The following GTF3C3 variants were observed in gnomAD, a reference collection of about 807,000 sequenced individuals.
GTF3C3 encodes general transcription factor 3C polypeptide 3.
In GTF3C3, 75 loss-of-function variants were observed where a neutral mutation model predicts 105.2. The observed-to-expected ratio is 0.71, with a 90% confidence interval of 0.59 to 0.86. The LOEUF (loss-of-function observed/expected upper bound fraction) is 0.86, where lower values mean the gene tolerates loss of function less well. GTF3C3 is among the 40% of genes least tolerant of loss of function. GTF3C3 has a pLI of 0.00. For synonymous variants in GTF3C3, 335 were observed against 370.4 expected, an observed-to-expected ratio of 0.90 and a Z score of 1.10; for missense variants, 856 against 1,076.5, an observed-to-expected ratio of 0.80 and a Z score of 2.87.
In GTF3C3 at chr2:196,764,543, C is replaced by T. The variant is rs769932002; in HGVS notation, c.*20G>A. On this transcript the variant is annotated 3_prime_UTR_variant, in exon 18 of 18. Coordinates refer to ENST00000263956, the MANE Select transcript of GTF3C3 (RefSeq NM_012086.5). ...TCCTCACACAGCAGCTGCCATTGCT[C>T]TGTTCTCAGTTGCGGTGCTTTATAT... 3 of 1,608,968 alleles carry T rather than the reference C, an allele frequency of 1.9e-6. No homozygotes were observed. The highest frequency in any genetic ancestry group is 2.5e-6 in the Non-Finnish European group (3 of 1,176,702).
At chr2:196,765,325 A>G (rs1699042165) in intron 17 of GTF3C3, among the ~76,000 whole-genome samples, 1 of 152,150 alleles carries the variant, frequency 6.6e-6, no homozygotes, top group South Asian at 2.1e-4. Context: ...TGAAAAAAAA[A>G]TCTGCAACAA....
Position 196,779,911 on chromosome 2 carries a change from G to A in GTF3C3, c.1218+648C>T, listed in dbSNP as rs139811905. On this transcript the variant is annotated intron_variant, in intron 9 of 17. Coordinates refer to ENST00000263956, the MANE Select transcript of GTF3C3 (RefSeq NM_012086.5). ...GCCCAGGCTGGTCTTGAACTCCTGA[G>A]CTCAAGAGATCTGCCCGCCTCAGCC... Among the ~76,000 whole-genome samples the A allele has an allele frequency of 6.0e-3, 909 of 152,018 alleles. 4 individuals carry two copies. Among genetic ancestry groups the A allele is most frequent in the African/African-American group, 0.021 (858 of 41,450 alleles).
chr2:196,795,270 T>C (rs545502661), intron 2 of GTF3C3, among the ~76,000 whole-genome samples: 11 of 152,286 alleles, frequency 7.2e-5, no homozygotes, highest in Non-Finnish European at 1.5e-4. Context: ...ACTCCTGGCC[T>C]CAAGTGACCC....
chr2:196,765,592 CATAT>C (rs1351214058), intron 17 of GTF3C3, among the ~76,000 whole-genome samples: 3 of 149,050 alleles, frequency 2.0e-5, no homozygotes, highest in African/African-American at 4.9e-5. Context: ...TATACATATG[CATAT>C]ATAAATAATA....
intron 8 of GTF3C3, among the ~76,000 whole-genome samples, chr2:196,782,356 G>A (rs1373814965): frequency 1.3e-5 from 2 of 152,070 alleles, no homozygotes; most frequent in African/African-American, 4.8e-5. Context: ...TTTTGTTAGA[G>A]AGTCCAAACG....
rs769510281 is a variant in GTF3C3, at chr2:196,780,623, G to T, written c.1154C>A (p.Pro385Gln). Residue 385 changes from proline to glutamine, a missense_variant, in exon 9 of 18, where the codon CCA (proline) becomes CAA (glutamine). Coordinates refer to ENST00000263956, the MANE Select transcript of GTF3C3 (RefSeq NM_012086.5). ...CATCAACTTCACTGTGATATCTATTGGCACGCCATCAGGTATAGTGCAGGT... is the reference window on the plus strand; with the variant it reads ...CATCAACTTCACTGTGATATCTATTTGCACGCCATCAGGTATAGTGCAGGT... Reference protein sequence around the residue: ...NVTCTIPDGVPIDITVKLMVC... With the variant: ...NVTCTIPDGVQIDITVKLMVC... 4 of 1,613,284 alleles carry T rather than the reference G, an allele frequency of 2.5e-6. No individual in the cohort carries two copies. The highest frequency in any genetic ancestry group is 3.4e-6 in the Non-Finnish European group (4 of 1,179,450).
intron 15 of GTF3C3, 32 bp downstream of exon 15, chr2:196,771,706 ACACTATTTAT>A: frequency 7.2e-7 from 1 of 1,384,706 alleles, no homozygotes; most frequent in Non-Finnish European, 1.0e-6. Context: ...GCTCTTCACC[ACACTATTTAT>A]GCTTGACAAA....
chr2:196,791,077 C>T (rs928621975), intron 4 of GTF3C3, among the ~76,000 whole-genome samples: 8 of 151,952 alleles, frequency 5.3e-5, no homozygotes, highest in African/African-American at 1.9e-4. Context: ...ATTTGCCATA[C>T]TGACAATTCA....
At chr2:196,774,939 C>A in intron 13 of GTF3C3, 177 bp downstream of exon 13, 1 of 441,620 alleles carries the variant, frequency 2.3e-6, no homozygotes, top group Non-Finnish European at 4.0e-6. Context: ...AAAGTATTTA[C>A]ATTTAGCCTT....
At chr2:196,764,855 C>T (rs540542721) in intron 17 of GTF3C3, among the ~76,000 whole-genome samples, 170 bp from the exon 18 acceptor site, 4 of 152,118 alleles carry the variant, frequency 2.6e-5, no homozygotes, top group African/African-American at 9.7e-5. Context: ...AATGCTGATT[C>T]AGTTAACAGC....
intron 13 of GTF3C3, among the ~76,000 whole-genome samples, chr2:196,774,738 A>G (rs764759146): frequency 6.6e-6 from 1 of 152,214 alleles, no homozygotes; most frequent in East Asian, 1.9e-4. Flanking sequence ...TTCTATGACT[A>G]TTGCTACATT....
rs551710124 is a variant in GTF3C3 at position 196,791,767 on chromosome 2, T to C, written c.412-307A>G. 1.4e-3 allele frequency: 305 copies of C among 213,774 alleles called. 2 individuals carry two copies. Among genetic ancestry groups the C allele is most frequent in the African/African-American group, 6.5e-3 (283 of 43,382 alleles). The allele number at this position is 213,774 out of a possible 1,614,324, so 13.2% of individuals were successfully genotyped here. A position where few individuals can be genotyped will look rare whatever the true frequency, so the allele number is the denominator to read the frequency against. On this transcript the variant is annotated intron_variant, in intron 3 of 17. Coordinates refer to ENST00000263956, the MANE Select transcript of GTF3C3 (RefSeq NM_012086.5). ...CCTGGCCAACAGAGTGAAACCCGTC[T>C]ATACTGAAAATACAAAAAAATTAGC...
intron 10 of GTF3C3, chr2:196,778,108 TTA>T (rs1421172934): frequency 2.0e-5 from 3 of 152,242 alleles, no homozygotes; most frequent in Non-Finnish European, 4.4e-5. Flanking sequence ...GCTTCTCTAA[TTA>T]TAGAGTTCTG....
intron 8 of GTF3C3, chr2:196,780,909 G>A (rs753445021): frequency 5.1e-5 from 16 of 312,936 alleles, no homozygotes; most frequent in African/African-American, 8.5e-5. Context: ...ACTAAACTAC[G>A]GAGAACTAAA....
intron 15 of GTF3C3, 126 bp from the exon 16 acceptor site, chr2:196,770,165 A>G: frequency 1.5e-6 from 1 of 671,002 alleles, no homozygotes; most frequent in Non-Finnish European, 2.3e-6. Flanking sequence ...TTAAATAGCA[A>G]CCAGAGACCT....
chr2:196,789,395 T>A, intron 5 of GTF3C3, 26 bp from the exon 6 acceptor site: 1 of 1,539,880 alleles, frequency 6.5e-7, no homozygotes, highest in Non-Finnish European at 8.8e-7. Flanking sequence ...TACAAATTAT[T>A]TACCACAAAA....
At chr2:196,765,830 G>A (rs915658415) in intron 17 of GTF3C3, among the ~76,000 whole-genome samples, 3 of 151,574 alleles carry the variant, frequency 2.0e-5, no homozygotes, top group Non-Finnish European at 2.9e-5. Context: ...TTAACATGGT[G>A]AAACCCCGTC....
chr2:196,766,420 T>A (rs1215121978), intron 17 of GTF3C3, 145 bp downstream of exon 17: 1 of 599,904 alleles, frequency 1.7e-6, no homozygotes, highest in East Asian at 2.8e-5. Context: ...GTGGTACCTG[T>A]TCCTGAACAT....
At chr2:196,769,881 TA>T in intron 16 of GTF3C3, 33 bp downstream of exon 16, 1 of 1,566,810 alleles carries the variant, frequency 6.4e-7, no homozygotes, top group Non-Finnish European at 8.7e-7. Context: ...TTAAGAAACA[TA>T]AAATCAAGTA....
Sources: allele counts gnomAD v4.1 joint callset (sites outside exome capture counted in the v4.1 genomes callset), GRCh38; gene constraint gnomAD v4.1.1; transcripts MANE v1.5; gene names NCBI Gene and HGNC (gene_info 2026-07-23, HGNC 2026-07-21).